MEOX2: variants seen among roughly 807,000 people sequenced by gnomAD.
The protein encoded by MEOX2 is homeobox protein MOX-2.
Under a neutral mutation model 27.0 loss-of-function variants are expected in MEOX2, and 11 were observed. The observed-to-expected ratio is 0.41, with a 90% CI of 0.26 to 0.68. The LOEUF (loss-of-function observed/expected upper bound fraction) is 0.68, where lower values mean the gene tolerates loss of function less well. Ranked by LOEUF, MEOX2 falls within the 30% of genes least tolerant of loss-of-function variation. The probability of loss-of-function intolerance (pLI) is 0.33; values close to 1 mark genes in which losing one functional copy is unlikely to be tolerated. For synonymous variants in MEOX2, 189 were observed against 155.4 expected (o/e 1.22, Z -1.61); for missense variants, 436 against 385.4 (o/e 1.13, Z -1.10).
intron 1 of MEOX2, among the ~76,000 whole-genome samples, chr7:15,638,543 G>A (rs73302477): frequency 0.026 from 3,914 of 152,028 alleles, 153 homozygotes; most frequent in African/African-American, 0.089. Context: ...GGTCTGTTAC[G>A]TAGGTATATT....
chr7:15,644,031 T>G (rs1269012762), intron 1 of MEOX2, among the ~76,000 whole-genome samples: 1 of 152,164 alleles, frequency 6.6e-6, no homozygotes, highest in African/African-American at 2.4e-5. Context: ...AGGCAATATG[T>G]GTTTAAGATG....
intron 1 of MEOX2, among the ~76,000 whole-genome samples, chr7:15,653,917 T>C (rs1013934088): frequency 2.0e-5 from 3 of 152,004 alleles, no homozygotes; most frequent in African/African-American, 7.2e-5. Context: ...GCTTTTCATA[T>C]ACATTTTAGA....
At chr7:15,668,243 G>C (rs1583784265) in intron 1 of MEOX2, 1 of 152,200 alleles carries the variant, frequency 6.6e-6, no homozygotes, top group East Asian at 1.9e-4. Context: ...TGCTCAACCT[G>C]ACGGTGATGA....
rs1178308144 is a variant in MEOX2, at chr7:15,612,376, C to G, written c.*11G>C. ...TTCTTTCCTGAGAATGGAGCTGGTC[C>G]TCTGTTTATATCATAAGTGCGCATG... On this transcript the variant is annotated 3_prime_UTR_variant, in exon 3 of 3. Transcript: ENST00000262041. 5.6e-6 allele frequency: 9 copies of G among 1,607,696 alleles called. No individual in the cohort carries two copies. In the African/African-American group the frequency reaches 9.4e-5, roughly 17 times the overall value.
intron 2 of MEOX2, among the ~76,000 whole-genome samples, chr7:15,620,522 G>A (rs1197687531): frequency 3.3e-5 from 5 of 151,960 alleles, no homozygotes; most frequent in African/African-American, 1.2e-4. Context: ...GCAGTGAGCC[G>A]AGATCAAGCC....
intron 1 of MEOX2, among the ~76,000 whole-genome samples, chr7:15,638,567 G>T (rs1361685864): frequency 1.3e-5 from 2 of 152,016 alleles, no homozygotes; most frequent in African/African-American, 4.8e-5. Context: ...TAATCGTAAG[G>T]TTTGGGCTTC....
At chr7:15,654,048 G>GTC (rs1781782312) in intron 1 of MEOX2, among the ~76,000 whole-genome samples, 2 of 151,818 alleles carry the variant, frequency 1.3e-5, no homozygotes, top group South Asian at 4.1e-4. Flanking sequence ...AACACAATAT[G>GTC]TCTCTCCATC....
chr7:15,671,938 C>T (rs1394053220), intron 1 of MEOX2, among the ~76,000 whole-genome samples: 1 of 151,720 alleles, frequency 6.6e-6, no homozygotes, highest in Admixed American at 6.6e-5. Flanking sequence ...ACTAATAATA[C>T]AAAAATTAGC....
intron 1 of MEOX2, among the ~76,000 whole-genome samples, chr7:15,628,160 T>C (rs924822629): frequency 6.6e-6 from 1 of 152,116 alleles, no homozygotes; most frequent in Non-Finnish European, 1.5e-5. Context: ...ATGTTTTTTT[T>C]CATGCAATGA....
intron 2 of MEOX2, among the ~76,000 whole-genome samples, chr7:15,625,885 T>C (rs1350542879): frequency 6.6e-6 from 1 of 152,170 alleles, no homozygotes; most frequent in Non-Finnish European, 1.5e-5. Context: ...AAAAATATTA[T>C]TTAGGTCTCA....
At chr7:15,678,344 C>T (rs1407672550) in intron 1 of MEOX2, among the ~76,000 whole-genome samples, 1 of 152,144 alleles carries the variant, frequency 6.6e-6, no homozygotes, top group Non-Finnish European at 1.5e-5. Flanking sequence ...TTATATGGTT[C>T]TTTAAATGTG....
At chr7:15,614,564 T>C (rs1583734140) in intron 2 of MEOX2, among the ~76,000 whole-genome samples, 1 of 152,214 alleles carries the variant, frequency 6.6e-6, no homozygotes, top group South Asian at 2.1e-4. Context: ...AACCCAGCTT[T>C]TTTCCAGTGA....
Position 15,685,902 on chromosome 7 carries a change from C to G in MEOX2, c.501G>C (p.Arg167Ser). 21 of 1,601,900 alleles carry G rather than the reference C, an allele frequency of 1.3e-5. No homozygotes were observed. The highest frequency in any genetic ancestry group is 1.8e-5 in the Non-Finnish European group (21 of 1,175,266). Residue 167 changes from arginine (R) to serine (S), a missense_variant, in exon 1 of 3, where the codon AGG becomes AGC. Arg to Ser is a moderately radical substitution (Grantham distance 110). Coordinates refer to ENST00000262041, the MANE Select transcript of MEOX2 (RefSeq NM_005924.5). ...CGCCCTTACCTGAGCTGTCGCTTTT[C>G]CTCTTGCCGCCGCTTCGCTTCTCCG... ...AEAEKRSGGK[R>S]KSDSSDSQEG...
chr7:15,640,344 T>C (rs1246620826), intron 1 of MEOX2, among the ~76,000 whole-genome samples: 3 of 152,020 alleles, frequency 2.0e-5, no homozygotes, highest in Admixed American at 6.6e-5. Flanking sequence ...ACTGTTGTTG[T>C]ATACAATGAA....
intron 1 of MEOX2, among the ~76,000 whole-genome samples, chr7:15,676,924 C>T (rs573526779): frequency 3.3e-5 from 5 of 151,862 alleles, no homozygotes; most frequent in African/African-American, 1.2e-4. Context: ...CTGAAAACAG[C>T]TTTTCAATGG....
intron 2 of MEOX2, among the ~76,000 whole-genome samples, chr7:15,625,541 A>C (rs1781290056): frequency 6.6e-6 from 1 of 152,202 alleles, no homozygotes; most frequent in Non-Finnish European, 1.5e-5. Flanking sequence ...AATTGGATAA[A>C]ATAACTTGCT....
chr7:15,619,184 A>C (rs1323573862), intron 2 of MEOX2, among the ~76,000 whole-genome samples: 2 of 152,044 alleles, frequency 1.3e-5, no homozygotes, highest in Non-Finnish European at 2.9e-5. Flanking sequence ...CAATGCCAAC[A>C]CAAAACTTGC....
chr7:15,635,783 G>T (rs1328526590), intron 1 of MEOX2, among the ~76,000 whole-genome samples: 1 of 151,892 alleles, frequency 6.6e-6, no homozygotes, highest in Non-Finnish European at 1.5e-5. Flanking sequence ...AAATGGTTGG[G>T]CCCCTAAAAG....
At chr7:15,673,282 T>C (rs1782133273) in intron 1 of MEOX2, among the ~76,000 whole-genome samples, 1 of 152,178 alleles carries the variant, frequency 6.6e-6, no homozygotes, top group Non-Finnish European at 1.5e-5. Context: ...TTCTGCACTT[T>C]ATAGATATTA....
Sources: allele counts gnomAD v4.1 joint callset (sites outside exome capture counted in the v4.1 genomes callset), GRCh38; gene constraint gnomAD v4.1.1; transcripts MANE v1.5; gene names NCBI Gene and HGNC (gene_info 2026-07-23, HGNC 2026-07-21).